PLD1: variants seen among roughly 807,000 people sequenced by gnomAD.
PLD1 encodes phospholipase D1, also known as choline phosphatase 1.
PLD1 carries 112 observed loss-of-function variants against 137.1 expected under a neutral mutation model. The ratio of observed to expected loss-of-function variants is 0.82; its 90% CI spans 0.70 to 0.96. The LOEUF is 0.96. Ranked by LOEUF, PLD1 falls within the 40% of genes least tolerant of loss-of-function variation. The pLI is 0.00. For synonymous variants in PLD1, 431 were observed against 454.7 expected, an observed-to-expected ratio of 0.95 and a Z score of 0.66; for missense variants, 1,321 against 1,342.0, an observed-to-expected ratio of 0.98 and a Z score of 0.24.
At chr3:171,702,203 T>A (rs577862307) in intron 11 of PLD1, among the ~76,000 whole-genome samples, 9 of 152,052 alleles carry the variant, frequency 5.9e-5, no homozygotes, top group Admixed American at 3.3e-4. Context: ...GACAAAAAAA[T>A]GATTGAAAGG....
chr3:171,788,606 T>C (rs1022128343), intron 1 of PLD1: 1 of 149,146 alleles, frequency 6.7e-6, no homozygotes, highest in African/African-American at 2.5e-5. Context: ...TTATTACACA[T>C]TTGTTGAATT....
intron 21 of PLD1, among the ~76,000 whole-genome samples, chr3:171,652,412 CAAAAAAA>C: frequency 1.7e-5 from 1 of 58,838 alleles, no homozygotes; most frequent in South Asian, 6.8e-4. Context: ...GACTCCTTCT[CAAAAAAA>C]AAAAAAAAAA....
intron 11 of PLD1, among the ~76,000 whole-genome samples, chr3:171,705,799 A>G (rs1287568994): frequency 6.6e-6 from 1 of 152,228 alleles, no homozygotes; most frequent in African/African-American, 2.4e-5. Flanking sequence ...AGCTCTTAGT[A>G]TTGATAAAAT....
intron 1 of PLD1, among the ~76,000 whole-genome samples, chr3:171,791,144 A>G (rs796763531): frequency 6.6e-5 from 10 of 152,334 alleles, no homozygotes; most frequent in African/African-American, 2.2e-4. Flanking sequence ...TCACAAAGCC[A>G]CAAACTTTAA....
chr3:171,641,925 G>A (rs928458098), intron 23 of PLD1, among the ~76,000 whole-genome samples: 1 of 152,076 alleles, frequency 6.6e-6, no homozygotes, highest in Non-Finnish European at 1.5e-5. Context: ...TAGTGTGGCT[G>A]TCCACGTTTT....
intron 24 of PLD1, among the ~76,000 whole-genome samples, chr3:171,619,484 A>C (rs541048674): frequency 6.6e-6 from 1 of 152,330 alleles, no homozygotes; most frequent in Admixed American, 6.5e-5. Context: ...GTGCAGGGCT[A>C]CATCCTATCA....
intron 23 of PLD1, among the ~76,000 whole-genome samples, chr3:171,624,023 A>T (rs1424473370): frequency 6.6e-6 from 1 of 151,896 alleles, no homozygotes; most frequent in East Asian, 1.9e-4. Context: ...AAGATTTGTA[A>T]ATTGGTTAGA....
At position 171,688,884 on chromosome 3, in the gene PLD1, G is replaced by A. The variant is rs1238730310; in HGVS notation, c.1339-8C>T. ...ATCCGGGTGTCTCATCACCTTGAGA[G>A]GGAATAATCCCCACTGATAATATGC... On this transcript the variant is annotated splice_polypyrimidine_tract_variant and splice_region_variant and intron_variant, in intron 13 of 26. Transcript: ENST00000351298. 5.6e-6 allele frequency: 9 copies of A among 1,603,852 alleles called. No homozygotes were observed. The highest frequency in any genetic ancestry group is 7.7e-6 in the Non-Finnish European group (9 of 1,170,934).
At chr3:171,788,236 G>A (rs1338158800) in intron 1 of PLD1, among the ~76,000 whole-genome samples, 2 of 144,806 alleles carry the variant, frequency 1.4e-5, no homozygotes, top group Non-Finnish European at 3.0e-5. Flanking sequence ...GTGTTTGTGA[G>A]TGCATCTGCA....
intron 13 of PLD1, among the ~76,000 whole-genome samples, chr3:171,691,328 T>C (rs1484381982): frequency 1.3e-5 from 2 of 152,346 alleles, no homozygotes; most frequent in African/African-American, 2.4e-5. Context: ...ATTTGTAAGA[T>C]ACTTCTGTAA....
intron 18 of PLD1, among the ~76,000 whole-genome samples, 187 bp downstream of exon 18, chr3:171,676,528 C>T (rs1196148996): frequency 1.3e-5 from 2 of 148,524 alleles, no homozygotes; most frequent in East Asian, 2.0e-4. Context: ...TGTGGACATT[C>T]GGGAATGTTT....
At chr3:171,710,037 TC>T (rs1717033209) in intron 9 of PLD1, among the ~76,000 whole-genome samples, 2 of 152,048 alleles carry the variant, frequency 1.3e-5, no homozygotes. Flanking sequence ...AGCTGTTGGC[TC>T]CCGTACAGCA....
rs1369627248 is a variant in PLD1 at position 171,767,272 on chromosome 3, A to AC, written c.-31-29191dup. On this transcript the variant is annotated intron_variant, in intron 1 of 26. Transcript: ENST00000351298. Reference sequence around the variant, plus strand: ...GGCCTGGCCACTACTGGTCTCATTTACGGGCCATGGGCAACCTCTATATCC... The same window carrying AC: ...GGCCTGGCCACTACTGGTCTCATTTACCGGGCCATGGGCAACCTCTATATCC... Among the ~76,000 whole-genome samples the AC allele has an allele frequency of 3.3e-5, 5 of 152,228 alleles. No homozygotes were observed. The East Asian group carries it at 9.6e-4, about 29-fold the overall frequency.
intron 6 of PLD1, 133 bp from the exon 7 acceptor site, chr3:171,726,209 T>C (rs1487870863): frequency 3.1e-6 from 2 of 640,696 alleles, no homozygotes; most frequent in Admixed American, 2.5e-5. Flanking sequence ...TCAATAATAA[T>C]GGCATTGCAC....
intron 11 of PLD1, among the ~76,000 whole-genome samples, chr3:171,703,982 C>A (rs1193401249): frequency 6.6e-6 from 1 of 152,180 alleles, no homozygotes; most frequent in African/African-American, 2.4e-5. Context: ...AAGCACATTG[C>A]AGAGCACAGT....
At chr3:171,660,766 C>A (rs1410915458) in intron 20 of PLD1, among the ~76,000 whole-genome samples, 1 of 151,886 alleles carries the variant, frequency 6.6e-6, no homozygotes, top group African/African-American at 2.4e-5. Context: ...CCACCATGCC[C>A]GGCTAATTTT....
chr3:171,724,904 C>A, intron 7 of PLD1, 116 bp from the exon 8 acceptor site: 2 of 715,672 alleles, frequency 2.8e-6, no homozygotes, highest in South Asian at 1.5e-5. Context: ...ACTTTCCTCC[C>A]TACTCTCTCC....
intron 20 of PLD1, among the ~76,000 whole-genome samples, chr3:171,660,499 G>A (rs535806835): frequency 1.2e-4 from 19 of 152,210 alleles, no homozygotes; most frequent in Non-Finnish European, 2.8e-4. Context: ...TTGACTAGAG[G>A]AGTGTCAACC....
intron 12 of PLD1, among the ~76,000 whole-genome samples, chr3:171,695,338 TA>T (rs1560225277): frequency 1.3e-5 from 2 of 152,336 alleles, no homozygotes; most frequent in East Asian, 3.9e-4. Context: ...ACTTTTTGCT[TA>T]AAGAAAGGGA....
Sources: gnomAD v4.1 joint callset for allele counts (sites outside exome capture counted in the v4.1 genomes callset) on GRCh38, gnomAD v4.1.1 for gene constraint, MANE v1.5 for transcripts, NCBI Gene and HGNC (gene_info 2026-07-23, HGNC 2026-07-21) for gene names.